SCFD2: variants seen among roughly 807,000 people sequenced by gnomAD.
SCFD2 encodes sec1 family domain containing 2.
SCFD2 carries 54 observed loss-of-function variants against 58.9 expected under a neutral mutation model. That is an observed-to-expected ratio of 0.92 (90% CI 0.74 to 1.15). SCFD2 has a LOEUF of 1.15. Among genes scored for constraint, SCFD2 ranks in the 50% most tolerant of loss-of-function variants. SCFD2 has a pLI of 0.00. For missense variants in SCFD2, 805 were observed against 836.6 expected, an observed-to-expected ratio of 0.96 and a Z score of 0.47; for synonymous variants, 321 against 335.9, an observed-to-expected ratio of 0.96 and a Z score of 0.49.
At chr4:53,207,544 T>TA (rs1728460178) in intron 4 of SCFD2, among the ~76,000 whole-genome samples, 1 of 16,116 alleles carries the variant, frequency 6.2e-5, no homozygotes, top group Non-Finnish European at 1.0e-4. Flanking sequence ...ATATTATATA[T>TA]ATAATATTTA....
intron 4 of SCFD2, among the ~76,000 whole-genome samples, chr4:53,253,225 A>G (rs565905915): frequency 1.3e-5 from 2 of 152,344 alleles, no homozygotes; most frequent in South Asian, 4.1e-4. Flanking sequence ...CAATCATCAA[A>G]AAGTCAGGAA....
chr4:53,050,686 G>A (rs1391465693), intron 5 of SCFD2, among the ~76,000 whole-genome samples: 1 of 152,190 alleles, frequency 6.6e-6, no homozygotes, highest in Non-Finnish European at 1.5e-5. Flanking sequence ...ACACAGATAT[G>A]ATCAAGTTAC....
intron 5 of SCFD2, among the ~76,000 whole-genome samples, chr4:53,010,403 G>A (rs1262480778): frequency 6.6e-6 from 1 of 152,120 alleles, no homozygotes; most frequent in Non-Finnish European, 1.5e-5. Context: ...TAAATACATT[G>A]GCAATGACAA....
At chr4:53,117,599 T>C (rs1725361100) in intron 5 of SCFD2, among the ~76,000 whole-genome samples, 1 of 152,162 alleles carries the variant, frequency 6.6e-6, no homozygotes, top group Non-Finnish European at 1.5e-5. Flanking sequence ...CATCCCACCA[T>C]CCACTGCCTT....
chr4:53,050,784 T>C (rs2148831778), intron 5 of SCFD2, among the ~76,000 whole-genome samples: 1 of 152,304 alleles, frequency 6.6e-6, no homozygotes, highest in East Asian at 1.9e-4. Flanking sequence ...CTGGGTCATC[T>C]GGCTCCTGCC....
chr4:53,140,282 T>C (rs1726089808), intron 5 of SCFD2, among the ~76,000 whole-genome samples: 1 of 150,642 alleles, frequency 6.6e-6, no homozygotes, highest in African/African-American at 2.4e-5. Flanking sequence ...AGAATAATTA[T>C]TGAATCTGTA....
chr4:53,342,430 C>T (rs1413615143), intron 2 of SCFD2, among the ~76,000 whole-genome samples: 1 of 152,096 alleles, frequency 6.6e-6, no homozygotes, highest in African/African-American at 2.4e-5. Context: ...TATATGCACC[C>T]AATACAGGAG....
intron 5 of SCFD2, among the ~76,000 whole-genome samples, chr4:52,944,906 C>T (rs892333952): frequency 6.6e-6 from 1 of 152,116 alleles, no homozygotes; most frequent in Non-Finnish European, 1.5e-5. Flanking sequence ...CCATGTCCAC[C>T]TAGCTGCAGA....
At chr4:52,956,552 TTGGTGCCTTCCTTGCAGTATAAAAACA>T (rs922727314) in intron 5 of SCFD2, 1 of 245,940 alleles carries the variant, frequency 4.1e-6, no homozygotes, top group African/African-American at 2.3e-5. Context: ...CTCCTGCAGA[TTGGTGCCTTCCTTGCAGTATAAAAACA>T]TGGCTGCCAG....
chr4:53,304,789 G>T (rs1444947069), intron 3 of SCFD2, among the ~76,000 whole-genome samples: 1 of 151,862 alleles, frequency 6.6e-6, no homozygotes, highest in Admixed American at 6.6e-5. Context: ...TAGTTCGGAG[G>T]AGTTTGTTAT....
intron 2 of SCFD2, among the ~76,000 whole-genome samples, chr4:53,331,412 C>T (rs1733460922): frequency 6.6e-6 from 1 of 152,158 alleles, no homozygotes; most frequent in Admixed American, 6.5e-5. Flanking sequence ...GACCACAGTG[C>T]AATCAAACTA....
At chr4:53,311,851 G>T (rs779795787) in intron 3 of SCFD2, among the ~76,000 whole-genome samples, 8 of 151,984 alleles carry the variant, frequency 5.3e-5, no homozygotes, top group Middle Eastern at 3.4e-3. Flanking sequence ...GGCCAGGAGG[G>T]TCTCAGTCTC....
At chr4:53,257,002 T>A (rs1279858905) in intron 4 of SCFD2, among the ~76,000 whole-genome samples, 1 of 151,808 alleles carries the variant, frequency 6.6e-6, no homozygotes, top group Non-Finnish European at 1.5e-5. Context: ...CATAGCAGTG[T>A]GAGAAGGGAC....
intron 5 of SCFD2, among the ~76,000 whole-genome samples, chr4:53,008,664 C>T (rs1722032063): frequency 6.6e-6 from 1 of 151,896 alleles, no homozygotes; most frequent in Non-Finnish European, 1.5e-5. Context: ...AAACGCTCTT[C>T]AAAATAATGA....
At chr4:52,909,503 T>C (rs149336084) in intron 6 of SCFD2, among the ~76,000 whole-genome samples, 2,354 of 152,276 alleles carry the variant, frequency 0.015, 73 homozygotes, top group African/African-American at 0.052. Flanking sequence ...TGCTGAAATA[T>C]GCAAAAATAA....
At chr4:53,261,076 C>T (rs1411608052) in intron 4 of SCFD2, among the ~76,000 whole-genome samples, 1 of 151,912 alleles carries the variant, frequency 6.6e-6, no homozygotes, top group Non-Finnish European at 1.5e-5. Flanking sequence ...TAATATATCC[C>T]GTTTCATTTC....
intron 6 of SCFD2, among the ~76,000 whole-genome samples, chr4:52,912,391 T>C (rs1470357202): frequency 2.6e-5 from 4 of 152,218 alleles, no homozygotes; most frequent in Admixed American, 6.5e-5. Context: ...ATTACCTTTC[T>C]TGTTTAAGCT....
intron 4 of SCFD2, among the ~76,000 whole-genome samples, chr4:53,151,907 C>G (rs763125436): frequency 2.6e-5 from 4 of 152,126 alleles, no homozygotes; most frequent in Admixed American, 1.3e-4. Flanking sequence ...TAAGAGAGAG[C>G]AAGAGAGAAG....
At chr4:53,333,469 T>C (rs1214748795) in intron 2 of SCFD2, among the ~76,000 whole-genome samples, 1 of 147,010 alleles carries the variant, frequency 6.8e-6, no homozygotes, top group Admixed American at 6.8e-5. Flanking sequence ...ATCTGATCTT[T>C]GACAAACCTG....
Sources: gnomAD v4.1 joint callset for allele counts (sites outside exome capture counted in the v4.1 genomes callset) on GRCh38, gnomAD v4.1.1 for gene constraint, MANE v1.5 for transcripts, NCBI Gene and HGNC (gene_info 2026-07-23, HGNC 2026-07-21) for gene names.